Variants in ADGRB1 observed in about 807,000 individuals in gnomAD.
The protein encoded by ADGRB1 is brain-specific angiogenesis inhibitor 1.
In ADGRB1, 36 loss-of-function variants were observed where a neutral mutation model predicts 175.7. The ratio of observed to expected loss-of-function variants is 0.20; its 90% CI spans 0.16 to 0.27. The LOEUF (loss-of-function observed/expected upper bound fraction) is 0.27, where lower values mean the gene tolerates loss of function less well. Among genes scored for constraint, ADGRB1 ranks in the 10% least tolerant of loss-of-function variants. ADGRB1 has a pLI of 1.00. For missense variants in ADGRB1, 1,731 were observed against 2,255.3 expected (o/e 0.77, Z 4.71); for synonymous variants, 1,054 against 979.4 (o/e 1.08, Z -1.42).
rs1489301868 is a variant in ADGRB1 at position 142,479,366 on chromosome 8, C to T, written c.1605C>T (p.Ser535=). 15 of 1,534,052 alleles carry T rather than the reference C, an allele frequency of 9.8e-6. No homozygotes were observed. Among genetic ancestry groups the T allele is most frequent in the East Asian group, 2.4e-5 (1 of 42,480 alleles). ...CCTGGGCGTCATGGGGCAGTTGCAG[C>T]GTCACGTGTGGGGCTGGCAGCCAGC... is the stretch of plus-strand genomic sequence containing the variant. ...WQAWASWGSC[S]VTCGAGSQRR... Residue 535 remains serine (S), a synonymous_variant, in exon 8 of 31, where the codon AGC becomes AGT. Transcript: ENST00000517894.
At chr8:142,483,182 A>ACC (rs779079569) in intron 11 of ADGRB1, among the ~76,000 whole-genome samples, 4 of 132,272 alleles carry the variant, frequency 3.0e-5, no homozygotes, top group African/African-American at 5.9e-5. Flanking sequence ...CCCTGGTCAC[A>ACC]CTGAGCCCTG....
chr8:142,502,578 TTCAGTCATC>T (rs778212949), intron 17 of ADGRB1, among the ~76,000 whole-genome samples: 137,046 of 141,260 alleles, frequency 0.97, 66,570 homozygotes, highest in Non-Finnish European at 1. Flanking sequence ...AGGATGGTGG[TTCAGTCATC>T]ACTGTGGTTT....
intron 1 of ADGRB1, among the ~76,000 whole-genome samples, chr8:142,460,330 G>A (rs1361905080): frequency 1.3e-5 from 2 of 152,232 alleles, no homozygotes; most frequent in Non-Finnish European, 1.5e-5. Context: ...CCAAGACAAC[G>A]GCCTGGGCTC....
At chr8:142,516,298 AG>A (rs1289695406) in intron 18 of ADGRB1, among the ~76,000 whole-genome samples, 3 of 91,660 alleles carry the variant, frequency 3.3e-5, no homozygotes, top group African/African-American at 4.4e-5. Context: ...TGTGGGCCCC[AG>A]GTGCATGCGT....
chr8:142,528,562 C>T (rs1306392807), intron 24 of ADGRB1, among the ~76,000 whole-genome samples: 8 of 152,070 alleles, frequency 5.3e-5, no homozygotes, highest in Admixed American at 4.6e-4. Context: ...TCCCCGCACC[C>T]CCTCGGGCGC....
At chr8:142,479,665 T>C (rs764113902) in intron 8 of ADGRB1, 28 bp from the exon 9 acceptor site, 1 of 1,604,672 alleles carries the variant, frequency 6.2e-7, no homozygotes, top group Non-Finnish European at 8.5e-7. Flanking sequence ...TACCCCTTCC[T>C]GAACCCCTGT....
chr8:142,478,660 G>A (rs577612008), intron 7 of ADGRB1, among the ~76,000 whole-genome samples: 4 of 150,992 alleles, frequency 2.6e-5, no homozygotes, highest in East Asian at 3.9e-4. Flanking sequence ...GAAGTGGAGG[G>A]TGGGGTGGCT....
rs536589882 is a variant in ADGRB1, at chr8:142,465,119, G to A, written c.784+137G>A. The A allele has an allele frequency of 6.8e-5, 50 of 737,346 alleles. No homozygotes were observed. The Admixed American group carries it at 7.1e-4, about 11-fold the overall frequency. 45.7% of individuals were successfully genotyped at this position (737,346 alleles called of 1,614,324 possible). A position where few individuals can be genotyped will look rare whatever the true frequency, so the allele number is the denominator to read the frequency against. On this transcript the variant is annotated intron_variant, in intron 2 of 30. Transcript: ENST00000517894. ...GGCAGGCGGAGGTGGGTGGGTAGGG[G>A]AGGTGGACCGGGGTCTTCTTCCGCA...
At chr8:142,522,205 C>T in intron 21 of ADGRB1, 90 bp downstream of exon 21, 2 of 1,515,340 alleles carry the variant, frequency 1.3e-6, no homozygotes, top group South Asian at 1.3e-5. Context: ...CTCCCCATCC[C>T]CTGTGGACCC....
At chr8:142,479,926 G>T in intron 9 of ADGRB1, 132 bp downstream of exon 9, 3 of 1,015,254 alleles carry the variant, frequency 3.0e-6, no homozygotes, top group Non-Finnish European at 4.2e-6. Flanking sequence ...TGCTGGCGCG[G>T]GGTGGTGGGG....
At chr8:142,528,525 C>G (rs969255305) in intron 24 of ADGRB1, among the ~76,000 whole-genome samples, 2 of 152,278 alleles carry the variant, frequency 1.3e-5, no homozygotes, top group East Asian at 1.9e-4. Context: ...TTCGTTTCAG[C>G]CTTTTAATTT....
chr8:142,523,867 G>A (rs930260138), intron 22 of ADGRB1, among the ~76,000 whole-genome samples: 2 of 152,206 alleles, frequency 1.3e-5, no homozygotes, highest in Middle Eastern at 3.4e-3. Flanking sequence ...CAAGCATCGC[G>A]TCAGGAAGGA....
intron 2 of ADGRB1, among the ~76,000 whole-genome samples, chr8:142,470,990 T>G (rs1840631976): frequency 6.6e-6 from 1 of 151,934 alleles, no homozygotes; most frequent in African/African-American, 2.4e-5. Context: ...GGGCTGGAAT[T>G]TGGAGAGGAG....
chr8:142,459,014 G>A lies in ADGRB1; in HGVS notation c.-219-4966G>A, dbSNP rs565577167. ...ACACTTAAAGACAGGAGTGGCCAGC[G>A]CCCACACTGGTCCCCCAGCAATGGG... On this transcript the variant is annotated intron_variant, in intron 1 of 30. Transcript: ENST00000517894. 2.0e-5 allele frequency among the ~76,000 whole-genome samples: 3 copies of A among 152,248 alleles called. 1 individual carries two copies. Among genetic ancestry groups the A allele is most frequent in the East Asian group, 3.9e-4 (2 of 5,162 alleles).
Position 142,543,628 on chromosome 8 carries a change from C to A in ADGRB1, c.4477C>A (p.Gln1493Lys), listed in dbSNP as rs199567136. 8.0e-4 allele frequency: 1,250 copies of A among 1,561,454 alleles called. No homozygotes were observed. Among genetic ancestry groups the A allele is most frequent in the Non-Finnish European group, 1.0e-3 (1,186 of 1,152,560 alleles). Reference protein sequence around the residue: ...EKIMHTRKRHQDMFQDLNRKL... With the variant: ...EKIMHTRKRHKDMFQDLNRKL... ...GATCATGCACACCCGGAAGCGGCAC[C>A]AAGACATGTTCCAGGACCTGAACCG... is the stretch of plus-strand genomic sequence containing the variant. The change falls in exon 30 of 31, where the codon CAA becomes AAA. Residue 1493 changes from glutamine (Q) to lysine (K), a missense_variant. This residue lies in a region of ADGRB1 where 394 missense variants were observed against 410.2 expected (regional missense o/e 0.96). Transcript: ENST00000517894. This position sits in a 1 kb window ranked among gnomAD's most constrained non-coding sequence, Gnocchi z 4.4.
Position 142,489,039 on chromosome 8 carries a change from C to G in ADGRB1, c.2457C>G (p.Ala819=), listed in dbSNP as rs537788238. ...KSVFSTGLTE[A]DEASVFVVGT... Reference sequence around the variant, plus strand: ...TGACAGTGCACTTTCTTCCAGAGGCCGATGAAGCATCCGTGTTTGTGGTGG... The same window carrying G: ...TGACAGTGCACTTTCTTCCAGAGGCGGATGAAGCATCCGTGTTTGTGGTGG... Residue 819 remains alanine, a synonymous_variant, in exon 15 of 31, where the codon GCC becomes GCG. Transcript: ENST00000517894. The G allele has an allele frequency of 6.2e-7, 1 of 1,611,630 alleles. No individual in the cohort carries two copies. The highest frequency in any genetic ancestry group is 1.3e-5 in the African/African-American group (1 of 74,894).
intron 19 of ADGRB1, among the ~76,000 whole-genome samples, chr8:142,520,093 G>A (rs1346552452): frequency 1.3e-5 from 2 of 148,804 alleles, no homozygotes; most frequent in African/African-American, 5.0e-5. Context: ...TGGCTGTGTT[G>A]GTTATGGTGA....
chr8:142,540,994 T>G (rs968512452), intron 27 of ADGRB1, among the ~76,000 whole-genome samples: 11 of 151,984 alleles, frequency 7.2e-5, no homozygotes, highest in Admixed American at 5.2e-4. Context: ...CTGGGGCCCG[T>G]GTGCCTGGCA....
chr8:142,482,225 G>T (rs1046678652), intron 11 of ADGRB1, among the ~76,000 whole-genome samples: 5 of 139,404 alleles, frequency 3.6e-5, no homozygotes, highest in Non-Finnish European at 7.7e-5. Flanking sequence ...CCTGATCCTG[G>T]TCACACACTG....
Sources: allele counts gnomAD v4.1 joint callset (sites outside exome capture counted in the v4.1 genomes callset), GRCh38; gene constraint gnomAD v4.1.1; regional missense constraint gnomAD v4.1.1; non-coding constraint Gnocchi (gnomAD v3.1); transcripts MANE v1.5; gene names NCBI Gene and HGNC (gene_info 2026-07-23, HGNC 2026-07-21).